OPCML: variants seen among roughly 807,000 people sequenced by gnomAD.
OPCML encodes opioid-binding protein/cell adhesion molecule.
In OPCML, 13 loss-of-function variants were observed where a neutral mutation model predicts 37.8. That is an observed-to-expected ratio of 0.34 (90% CI 0.22 to 0.55). The LOEUF is 0.55. Among genes scored for constraint, OPCML ranks in the 20% least tolerant of loss-of-function variants. The probability of loss-of-function intolerance (pLI) is 0.91; values close to 1 mark genes in which losing one functional copy is unlikely to be tolerated. For missense variants in OPCML, 341 were observed against 435.6 expected (o/e 0.78, Z 1.93); for synonymous variants, 176 against 168.8 (o/e 1.04, Z -0.33).
At chr11:133,375,796 T>G (rs1695702460) in intron 1 of OPCML, among the ~76,000 whole-genome samples, 1 of 152,202 alleles carries the variant, frequency 6.6e-6, no homozygotes, top group South Asian at 2.1e-4. Context: ...CCGGTGTCTG[T>G]GCGTTCCCAC....
intron 1 of OPCML, among the ~76,000 whole-genome samples, chr11:133,492,330 C>A (rs1019093856): frequency 6.6e-6 from 1 of 152,140 alleles, no homozygotes; most frequent in Admixed American, 6.6e-5. Context: ...CATATGGATG[C>A]TTTTGGCCTT....
At chr11:133,027,202 C>T (rs1440022820) in intron 1 of OPCML, among the ~76,000 whole-genome samples, 3 of 152,252 alleles carry the variant, frequency 2.0e-5, no homozygotes, top group African/African-American at 7.2e-5. Flanking sequence ...GAAACCCTCT[C>T]AGCTTCGAGC....
At chr11:132,615,309 T>G (rs1938936462) in intron 3 of OPCML, among the ~76,000 whole-genome samples, 1 of 152,234 alleles carries the variant, frequency 6.6e-6, no homozygotes, top group African/African-American at 2.4e-5. Context: ...CAGAAGTTTT[T>G]GCTCTGCCAT....
intron 2 of OPCML, among the ~76,000 whole-genome samples, chr11:132,823,506 C>T (rs950130786): frequency 6.6e-6 from 1 of 151,980 alleles, no homozygotes; most frequent in East Asian, 1.9e-4. Flanking sequence ...CCTGTCTTTC[C>T]CCAGCATCAT....
intron 1 of OPCML, among the ~76,000 whole-genome samples, chr11:133,232,964 G>T (rs966638443): frequency 1.3e-5 from 2 of 152,302 alleles, no homozygotes; most frequent in Admixed American, 6.5e-5. Context: ...GGTGCTGTTT[G>T]ACTCCAGCTA....
chr11:133,345,859 A>C (rs960992190), intron 1 of OPCML, among the ~76,000 whole-genome samples: 1 of 152,116 alleles, frequency 6.6e-6, no homozygotes, highest in South Asian at 2.1e-4. Context: ...ATACACTTCA[A>C]TTCTCAATAT....
intron 1 of OPCML, chr11:133,005,425 C>A (rs1311449893): frequency 1.0e-6 from 1 of 985,260 alleles, no homozygotes; most frequent in Admixed American, 6.2e-5. Flanking sequence ...CACCCATGTT[C>A]TCCTTTTCTA....
At chr11:132,979,194 A>C (rs1304797498) in intron 1 of OPCML, among the ~76,000 whole-genome samples, 1 of 152,144 alleles carries the variant, frequency 6.6e-6, no homozygotes, top group Non-Finnish European at 1.5e-5. Context: ...TCACACCCGG[A>C]TCACTCCGCA....
intron 1 of OPCML, among the ~76,000 whole-genome samples, chr11:133,436,526 T>G (rs1946237158): frequency 6.6e-6 from 1 of 152,244 alleles, no homozygotes; most frequent in South Asian, 2.1e-4. Context: ...GGTTCTGGGC[T>G]GTTAAGCTCA....
At chr11:133,447,694 C>T (rs1245436268) in intron 1 of OPCML, among the ~76,000 whole-genome samples, 1 of 152,190 alleles carries the variant, frequency 6.6e-6, no homozygotes. Flanking sequence ...CTGCAAAGAA[C>T]ATTATTTCAT....
chr11:132,491,887 C>T (rs11223089), intron 4 of OPCML, among the ~76,000 whole-genome samples: 31,086 of 149,416 alleles, frequency 0.21, 3,384 homozygotes, highest in East Asian at 0.33. Flanking sequence ...ATCGTAGGAA[C>T]TTGGAGATAT....
At chr11:132,481,564 T>C (rs905788059) in intron 4 of OPCML, among the ~76,000 whole-genome samples, 34 of 151,002 alleles carry the variant, frequency 2.3e-4, no homozygotes, top group Admixed American at 4.0e-4. Context: ...CTGCACCAAG[T>C]GGACCTAATA....
At chr11:132,660,556 G>A (rs1234525159) in intron 2 of OPCML, among the ~76,000 whole-genome samples, 4 of 152,062 alleles carry the variant, frequency 2.6e-5, no homozygotes, top group African/African-American at 7.2e-5. Flanking sequence ...TTCTTTTACT[G>A]GAAGTGCCTT....
intron 1 of OPCML, chr11:133,024,964 T>A (rs1947524134): frequency 2.0e-6 from 2 of 985,308 alleles, no homozygotes; most frequent in African/African-American, 3.5e-5. Context: ...GCAGAGCCTA[T>A]GAATCTGCAT....
chr11:132,949,397 C>A (rs950286430), intron 1 of OPCML, among the ~76,000 whole-genome samples: 2 of 152,174 alleles, frequency 1.3e-5, no homozygotes, highest in Admixed American at 1.3e-4. Context: ...CAGGAACCCA[C>A]AATTACGGAG....
At chr11:133,502,204 A>G (rs2120548907) in intron 1 of OPCML, among the ~76,000 whole-genome samples, 1 of 152,270 alleles carries the variant, frequency 6.6e-6, no homozygotes, top group Middle Eastern at 3.4e-3. Flanking sequence ...GAGGAGCACC[A>G]CGTGAACTCT....
intron 1 of OPCML, among the ~76,000 whole-genome samples, chr11:133,371,362 T>C (rs1223998036): frequency 6.6e-6 from 1 of 152,238 alleles, no homozygotes; most frequent in Admixed American, 6.5e-5. Context: ...TGCACTTGCA[T>C]GTTTATTGCA....
intron 1 of OPCML, among the ~76,000 whole-genome samples, chr11:133,157,361 C>G (rs547530775): frequency 3.3e-5 from 5 of 152,306 alleles, no homozygotes; most frequent in Middle Eastern, 3.4e-3. Context: ...TCCCAGAATG[C>G]TAGCAGGGCT....
rs1940031534 is a variant in OPCML at position 132,630,475 on chromosome 11, T to C, written c.379+26612A>G. Among the ~76,000 whole-genome samples, 3 of 152,256 alleles carry C rather than the reference T, an allele frequency of 2.0e-5. No homozygotes were observed. In the South Asian group the frequency reaches 6.2e-4, roughly 32 times the overall value. ...CTGTACTTCAAAGAACATTTGGTAA[T>C]ATGAGAGAATGTATTTGTTAAATTG... On this transcript the variant is annotated intron_variant, in intron 3 of 7. Coordinates refer to ENST00000524381, the MANE Select transcript of OPCML (RefSeq NM_001012393.5).
Sources: gnomAD v4.1 joint callset for allele counts (sites outside exome capture counted in the v4.1 genomes callset) on GRCh38, gnomAD v4.1.1 for gene constraint, MANE v1.5 for transcripts, NCBI Gene and HGNC (gene_info 2026-07-23, HGNC 2026-07-21) for gene names.